The following AGBL4 variants were observed in gnomAD, a reference collection of about 807,000 sequenced individuals.
AGBL4 encodes cytosolic carboxypeptidase 6.
A neutral mutation model predicts 66.4 loss-of-function variants in AGBL4; 58 were observed. The observed-to-expected ratio is 0.87, with a 90% CI of 0.71 to 1.09. The LOEUF is 1.09. AGBL4 is among the 50% of genes least tolerant of loss of function. The pLI, the probability that AGBL4 is intolerant of heterozygous loss-of-function variation, is 0.00. For missense variants in AGBL4, 579 were observed against 631.0 expected (o/e 0.92, Z 0.88); for synonymous variants, 234 against 222.9 (o/e 1.05, Z -0.44).
chr1:49,343,658 C>T (rs1431935114), intron 3 of AGBL4, among the ~76,000 whole-genome samples: 2 of 152,158 alleles, frequency 1.3e-5, no homozygotes, highest in Admixed American at 1.3e-4. Flanking sequence ...GCATTCCCCT[C>T]TTTTTGGGGA....
At chr1:48,806,470 T>C (rs1290058813) in intron 6 of AGBL4, among the ~76,000 whole-genome samples, 1 of 152,216 alleles carries the variant, frequency 6.6e-6, no homozygotes, top group Admixed American at 6.5e-5. Context: ...GCAAAATCCC[T>C]ACCTCTAGTG....
chr1:50,018,369 T>C (rs1280134326), intron 1 of AGBL4, among the ~76,000 whole-genome samples: 3 of 152,162 alleles, frequency 2.0e-5, no homozygotes, highest in Non-Finnish European at 4.4e-5. Context: ...GATTAGCATA[T>C]TCCAATATGG....
At chr1:49,846,181 C>T in intron 2 of AGBL4, 1 of 1,455,496 alleles carries the variant, frequency 6.9e-7, no homozygotes, top group Non-Finnish European at 9.6e-7. Context: ...GTGGGAAATC[C>T]TTCAACCACA....
chr1:48,728,505 A>T, intron 6 of AGBL4, among the ~76,000 whole-genome samples: 2 of 146,192 alleles, frequency 1.4e-5, no homozygotes, highest in African/African-American at 2.5e-5. Flanking sequence ...TTTTACTCAA[A>T]TGTTATAGTT....
intron 6 of AGBL4, among the ~76,000 whole-genome samples, chr1:48,717,388 G>A (rs540479153): frequency 6.6e-6 from 1 of 152,260 alleles, no homozygotes; most frequent in East Asian, 1.9e-4. Flanking sequence ...CACAGACTCT[G>A]TTTCACTCTG....
In AGBL4 at chr1:48,759,451, A is replaced by C. The variant is rs1158787009; in HGVS notation, c.635-96210T>G. ...AAAGCCCTTCATTTTATAAATGGGG[A>C]AACATTTTATAAATTTTATAAATGG... On this transcript the variant is annotated intron_variant, in intron 6 of 13. Coordinates refer to ENST00000371839, the MANE Select transcript of AGBL4 (RefSeq NM_032785.4). 2.4e-6 allele frequency: 3 copies of C among 1,264,390 alleles called. No homozygotes were observed. In the African/African-American group the frequency reaches 4.6e-5, roughly 19 times the overall value. The allele number at this position is 1,264,390 out of a possible 1,614,324, so 78.3% of individuals were successfully genotyped here. A position where few individuals can be genotyped will look rare whatever the true frequency, so the allele number is the denominator to read the frequency against.
intron 3 of AGBL4, among the ~76,000 whole-genome samples, chr1:49,624,888 T>G (rs1047531191): frequency 6.6e-6 from 1 of 152,196 alleles, no homozygotes; most frequent in African/African-American, 2.4e-5. Context: ...AAGCCCAATC[T>G]TAACTAATAT....
chr1:48,588,782 G>C (rs1000422791), intron 10 of AGBL4, among the ~76,000 whole-genome samples: 2 of 147,972 alleles, frequency 1.4e-5, no homozygotes, highest in African/African-American at 5.0e-5. Flanking sequence ...CTGTTTTAGA[G>C]TTGGGCATTG....
intron 1 of AGBL4, among the ~76,000 whole-genome samples, chr1:49,978,104 CT>C (rs1195987843): frequency 6.6e-6 from 1 of 152,076 alleles, no homozygotes; most frequent in Non-Finnish European, 1.5e-5. Flanking sequence ...AAAATAATTT[CT>C]TTTGGAACTT....
At chr1:49,030,780 C>G (rs1380838668) in intron 5 of AGBL4, among the ~76,000 whole-genome samples, 2 of 132,318 alleles carry the variant, frequency 1.5e-5, no homozygotes, top group African/African-American at 5.9e-5. Flanking sequence ...GCCACCTAGT[C>G]TATGGTATTT....
At chr1:48,597,957 G>A (rs960157746) in intron 9 of AGBL4, among the ~76,000 whole-genome samples, 6 of 151,988 alleles carry the variant, frequency 3.9e-5, no homozygotes, top group Admixed American at 1.3e-4. Flanking sequence ...AGAAAGAAAG[G>A]GAGAAAAACC....
chr1:49,938,774 G>T (rs892867134), intron 1 of AGBL4, among the ~76,000 whole-genome samples: 1 of 152,098 alleles, frequency 6.6e-6, no homozygotes, highest in East Asian at 1.9e-4. Flanking sequence ...ATGCAGAAAA[G>T]ACCTTTAAGA....
chr1:49,446,807 T>C (rs1646167235), intron 3 of AGBL4, among the ~76,000 whole-genome samples: 1 of 152,138 alleles, frequency 6.6e-6, no homozygotes, highest in South Asian at 2.1e-4. Context: ...GAGGTAGAAT[T>C]TAAACCTGGT....
chr1:48,613,156 G>T (rs320024), intron 9 of AGBL4, among the ~76,000 whole-genome samples: 28,692 of 151,898 alleles, frequency 0.19, 3,285 homozygotes, highest in African/African-American at 0.31. Flanking sequence ...GAGATTATGA[G>T]ACACTTTAAG....
intron 3 of AGBL4, among the ~76,000 whole-genome samples, chr1:49,359,827 T>C (rs940093125): frequency 1.1e-4 from 16 of 152,096 alleles, no homozygotes; most frequent in South Asian, 8.3e-4. Flanking sequence ...CACAGTCACA[T>C]ATTACTGGTA....
chr1:49,565,121 T>A (rs188774016), intron 3 of AGBL4, among the ~76,000 whole-genome samples: 1 of 152,230 alleles, frequency 6.6e-6, no homozygotes, highest in Non-Finnish European at 1.5e-5. Context: ...TGAGACAGGA[T>A]TGCAACCCCT....
intron 3 of AGBL4, among the ~76,000 whole-genome samples, chr1:49,286,455 A>G (rs1644412246): frequency 1.3e-5 from 2 of 152,198 alleles, no homozygotes; most frequent in South Asian, 4.1e-4. Flanking sequence ...TTGTATATCT[A>G]GAAAACCCCA....
intron 5 of AGBL4, among the ~76,000 whole-genome samples, chr1:48,894,985 G>A (rs1651360213): frequency 6.6e-6 from 1 of 152,146 alleles, no homozygotes; most frequent in Non-Finnish European, 1.5e-5. Context: ...AAGTCAAATT[G>A]GCAGTGTTTC....
chr1:49,445,760 C>T lies in AGBL4; in HGVS notation c.283-199896G>A, dbSNP rs1304098367. Among the ~76,000 whole-genome samples, 3 of 151,932 alleles carry T rather than the reference C, an allele frequency of 2.0e-5. No individual in the cohort carries two copies. In the East Asian group the frequency reaches 5.8e-4, roughly 29 times the overall value. On this transcript the variant is annotated intron_variant, in intron 3 of 13. Coordinates refer to ENST00000371839, the MANE Select transcript of AGBL4 (RefSeq NM_032785.4). ...CTTTGGTAAATTTCCCATTCATATCCTGAATTGTTTTTCTGATTTCTTTGT... is the reference window on the plus strand; with the variant it reads ...CTTTGGTAAATTTCCCATTCATATCTTGAATTGTTTTTCTGATTTCTTTGT...
Sources: allele counts gnomAD v4.1 joint callset (sites outside exome capture counted in the v4.1 genomes callset), GRCh38; gene constraint gnomAD v4.1.1; transcripts MANE v1.5; gene names NCBI Gene and HGNC (gene_info 2026-07-23, HGNC 2026-07-21).